Variants in ROBO1 observed in about 807,000 individuals in gnomAD.
ROBO1 encodes the protein roundabout homolog 1.
In ROBO1, 149 loss-of-function variants were observed where a neutral mutation model predicts 195.9. That is an observed-to-expected ratio of 0.76 (90% confidence interval 0.67 to 0.87). ROBO1 has a LOEUF of 0.87. ROBO1 is among the 40% of genes least tolerant of loss of function. The pLI is 0.00. For missense variants in ROBO1, 1,933 were observed against 2,068.3 expected (o/e 0.93, Z 1.27); for synonymous variants, 816 against 733.2 (o/e 1.11, Z -1.82).
intron 17 of ROBO1, 35 bp downstream of exon 17, chr3:78,659,651 C>G: frequency 7.5e-7 from 1 of 1,332,708 alleles, no homozygotes; most frequent in Non-Finnish European, 9.7e-7. Flanking sequence ...GGCTGCCCAT[C>G]AGGACATTAA....
At chr3:79,104,257 T>C (rs2079733580) in intron 3 of ROBO1, among the ~76,000 whole-genome samples, 1 of 151,868 alleles carries the variant, frequency 6.6e-6, no homozygotes, top group African/African-American at 2.4e-5. Context: ...GATTATGTAA[T>C]AGGCAATTTA....
chr3:78,698,545 A>AT (rs2107918815), intron 8 of ROBO1, among the ~76,000 whole-genome samples: 1 of 152,244 alleles, frequency 6.6e-6, no homozygotes, highest in Non-Finnish European at 1.5e-5. Context: ...TCTGGAGACA[A>AT]TTTTTGCTGT....
chr3:79,364,271 C>T (rs1442995043), intron 2 of ROBO1, among the ~76,000 whole-genome samples: 4 of 148,176 alleles, frequency 2.7e-5, no homozygotes, highest in African/African-American at 9.9e-5. Context: ...TACACACACA[C>T]ATATATATAT....
chr3:78,999,264 C>T lies in ROBO1; in HGVS notation c.173-60337G>A, dbSNP rs565795140. Among the ~76,000 whole-genome samples, 209 of 152,186 alleles carry T rather than the reference C, an allele frequency of 1.4e-3. 6 individuals are homozygous for T. In the South Asian group the frequency reaches 0.042, roughly 31 times the overall value. ...AAAAAGATAAATACACTTGCATGTT[C>T]ATCACACTACTTACAATACCAAAGA... is the stretch of plus-strand genomic sequence containing the variant. On this transcript the variant is annotated intron_variant, in intron 3 of 30. Transcript: ENST00000464233.
At chr3:78,673,584 A>ACG (rs1404762312) in intron 10 of ROBO1, among the ~76,000 whole-genome samples, 124 of 67,508 alleles carry the variant, frequency 1.8e-3, no homozygotes, top group African/African-American at 5.4e-3. Flanking sequence ...ATATATATAT[A>ACG]TATATATATA....
intron 2 of ROBO1, among the ~76,000 whole-genome samples, chr3:79,510,520 G>A (rs961230958): frequency 2.0e-5 from 3 of 150,880 alleles, no homozygotes; most frequent in Non-Finnish European, 4.4e-5. Flanking sequence ...TTTTCATGTT[G>A]GAGTACATGG....
chr3:78,746,641 C>T, intron 5 of ROBO1, 102 bp downstream of exon 5: 1 of 983,864 alleles, frequency 1.0e-6, no homozygotes, highest in Non-Finnish European at 1.4e-6. Flanking sequence ...CTGACGCAAG[C>T]CTTTATTGAA....
chr3:78,639,282 C>T (rs1445141077), intron 22 of ROBO1, among the ~76,000 whole-genome samples: 2 of 151,882 alleles, frequency 1.3e-5, no homozygotes. Flanking sequence ...CATGGCAAAA[C>T]CCCATCTCTA....
At chr3:79,734,658 C>G (rs535748132) in intron 1 of ROBO1, among the ~76,000 whole-genome samples, 2 of 152,190 alleles carry the variant, frequency 1.3e-5, no homozygotes, top group South Asian at 4.1e-4. Flanking sequence ...CACAAAACTT[C>G]TTGCTCTAAA....
At chr3:78,671,321 C>T (rs909474222) in intron 10 of ROBO1, among the ~76,000 whole-genome samples, 1 of 151,434 alleles carries the variant, frequency 6.6e-6, no homozygotes, top group Admixed American at 6.6e-5. Flanking sequence ...GACTTAAAAA[C>T]CAAATTTCAG....
At chr3:79,189,801 T>A (rs890166686) in intron 2 of ROBO1, among the ~76,000 whole-genome samples, 1 of 151,690 alleles carries the variant, frequency 6.6e-6, no homozygotes, top group Non-Finnish European at 1.5e-5. Context: ...TAGTTTAAGA[T>A]GAAACAGTTT....
intron 4 of ROBO1, among the ~76,000 whole-genome samples, chr3:78,820,946 T>G (rs1329290017): frequency 6.6e-6 from 1 of 152,234 alleles, no homozygotes; most frequent in Non-Finnish European, 1.5e-5. Context: ...TTGTGATCTT[T>G]CTTGATTTAA....
At chr3:78,945,889 C>T (rs541200211) in intron 3 of ROBO1, among the ~76,000 whole-genome samples, 3 of 149,978 alleles carry the variant, frequency 2.0e-5, no homozygotes, top group African/African-American at 7.3e-5. Flanking sequence ...CCTCCGTAGA[C>T]AATGCAATCA....
intron 3 of ROBO1, among the ~76,000 whole-genome samples, chr3:79,094,680 T>C (rs920137023): frequency 1.2e-4 from 18 of 152,142 alleles, no homozygotes; most frequent in African/African-American, 4.3e-4. Context: ...TATTTATCTC[T>C]GAATTTGTTA....
At chr3:79,417,569 T>C (rs1374181484) in intron 2 of ROBO1, among the ~76,000 whole-genome samples, 1 of 152,192 alleles carries the variant, frequency 6.6e-6, no homozygotes, top group Non-Finnish European at 1.5e-5. Context: ...AATAGATAAC[T>C]GCTATAGTCT....
At chr3:79,379,784 G>A (rs1367268833) in intron 2 of ROBO1, among the ~76,000 whole-genome samples, 9 of 151,950 alleles carry the variant, frequency 5.9e-5, no homozygotes, top group African/African-American at 9.7e-5. Flanking sequence ...GCCACCAGGC[G>A]ACAAAAATCA....
chr3:79,589,173 G>A (rs770880353), intron 2 of ROBO1, among the ~76,000 whole-genome samples: 4 of 151,456 alleles, frequency 2.6e-5, no homozygotes, highest in South Asian at 2.1e-4. Context: ...ATTTTCATTA[G>A]TACATCAATA....
intron 1 of ROBO1, among the ~76,000 whole-genome samples, chr3:79,757,163 T>C (rs1423598227): frequency 2.6e-5 from 4 of 152,216 alleles, no homozygotes. Flanking sequence ...CTTTTAGTTC[T>C]TGTGATATGT....
At chr3:79,740,853 C>A (rs1703614448) in intron 1 of ROBO1, among the ~76,000 whole-genome samples, 1 of 152,050 alleles carries the variant, frequency 6.6e-6, no homozygotes, top group Non-Finnish European at 1.5e-5. Context: ...TGAGTCATAG[C>A]AGAATTAACA....
Sources: allele counts gnomAD v4.1 joint callset (sites outside exome capture counted in the v4.1 genomes callset), GRCh38; gene constraint gnomAD v4.1.1; transcripts MANE v1.5; gene names NCBI Gene and HGNC (gene_info 2026-07-23, HGNC 2026-07-21).